NELL1: variants seen among roughly 807,000 people sequenced by gnomAD.
The protein encoded by NELL1 is protein kinase C-binding protein NELL1.
In NELL1, 76 loss-of-function variants were observed where a neutral mutation model predicts 107.4. That is an observed-to-expected ratio of 0.71 (90% confidence interval 0.59 to 0.86). The LOEUF is 0.86. NELL1 is among the 40% of genes least tolerant of loss of function. NELL1 has a pLI of 0.00. For missense variants in NELL1, 1,024 were observed against 1,005.5 expected (o/e 1.02, Z -0.25); for synonymous variants, 353 against 341.2 (o/e 1.03, Z -0.38).
intron 14 of NELL1, among the ~76,000 whole-genome samples, chr11:21,255,547 A>G (rs959098714): frequency 6.6e-6 from 1 of 152,080 alleles, no homozygotes; most frequent in Non-Finnish European, 1.5e-5. Context: ...CAACTTCAGT[A>G]TAGCTCGAAA....
chr11:21,333,925 A>T (rs1348151799), intron 14 of NELL1, among the ~76,000 whole-genome samples: 1 of 152,046 alleles, frequency 6.6e-6, no homozygotes, highest in African/African-American at 2.4e-5. Flanking sequence ...TCCACTGCTG[A>T]GTCGTGAGAT....
intron 2 of NELL1, among the ~76,000 whole-genome samples, chr11:20,750,640 G>A (rs757068579): frequency 2.6e-5 from 4 of 151,962 alleles, no homozygotes; most frequent in South Asian, 2.1e-4. Context: ...CAGGCTGGCT[G>A]CAATGGCAAG....
At chr11:20,904,453 A>G (rs1439660857) in intron 5 of NELL1, among the ~76,000 whole-genome samples, 1 of 152,160 alleles carries the variant, frequency 6.6e-6, no homozygotes, top group Non-Finnish European at 1.5e-5. Flanking sequence ...AATCTAACAA[A>G]CACCATGTGT....
At chr11:21,088,198 C>A (rs373725798) in intron 12 of NELL1, among the ~76,000 whole-genome samples, 1 of 151,924 alleles carries the variant, frequency 6.6e-6, no homozygotes, top group African/African-American at 2.4e-5. Flanking sequence ...CACGACCATA[C>A]CCTCCGGGAC....
At chr11:21,024,572 CT>C (rs1852773024) in intron 12 of NELL1, among the ~76,000 whole-genome samples, 1 of 152,080 alleles carries the variant, frequency 6.6e-6, no homozygotes, top group African/African-American at 2.4e-5. Flanking sequence ...ATATAAATTG[CT>C]TACAAGAATG....
intron 13 of NELL1, among the ~76,000 whole-genome samples, chr11:21,169,378 G>A (rs780693167): frequency 6.6e-6 from 1 of 151,768 alleles, no homozygotes; most frequent in Non-Finnish European, 1.5e-5. Context: ...TTATAATGTT[G>A]TGTATCTGGT....
chr11:21,456,878 A>G (rs1458877964), intron 15 of NELL1, among the ~76,000 whole-genome samples: 1 of 109,778 alleles, frequency 9.1e-6, no homozygotes, highest in Admixed American at 1.0e-4. Flanking sequence ...AAAAAAGAGA[A>G]GTTTATAAAT....
chr11:21,127,074 T>C (rs932508147), intron 13 of NELL1, among the ~76,000 whole-genome samples: 15 of 152,162 alleles, frequency 9.9e-5, no homozygotes, highest in African/African-American at 3.6e-4. Flanking sequence ...GGCATCTAGT[T>C]ATTCCTTAAG....
intron 12 of NELL1, among the ~76,000 whole-genome samples, chr11:21,111,033 T>C (rs1359059677): frequency 1.3e-5 from 2 of 152,134 alleles, no homozygotes; most frequent in Non-Finnish European, 2.9e-5. Context: ...TGTAATTAAG[T>C]CTTCTCAAAC....
intron 7 of NELL1, among the ~76,000 whole-genome samples, chr11:20,919,610 A>G (rs1850333823): frequency 6.6e-6 from 1 of 152,008 alleles, no homozygotes; most frequent in Admixed American, 6.6e-5. Context: ...TGGAAAAGGA[A>G]TTTTCCTATT....
chr11:21,466,847 G>A (rs1021073656), intron 15 of NELL1, among the ~76,000 whole-genome samples: 6 of 151,834 alleles, frequency 4.0e-5, no homozygotes, highest in Admixed American at 2.0e-4. Context: ...ATGCTGCAAT[G>A]TGAAGGATGG....
At position 21,441,403 on chromosome 11, in the gene NELL1, G is replaced by A. The variant is rs537945431; in HGVS notation, c.1645+70455G>A. Among the ~76,000 whole-genome samples the A allele has an allele frequency of 7.5e-5, 11 of 146,054 alleles. No individual in the cohort carries two copies. The East Asian group carries it at 1.6e-3, about 21-fold the overall frequency. ...TGTGTTCTATGATATGGTATGTTCC[G>A]AACTGTCTTTTGATGGGTTTTATCT... is the stretch of plus-strand genomic sequence containing the variant. On this transcript the variant is annotated intron_variant, in intron 15 of 19. Coordinates refer to ENST00000357134, the MANE Select transcript of NELL1 (RefSeq NM_006157.5).
At chr11:20,691,022 A>G (rs1412183532) in intron 2 of NELL1, among the ~76,000 whole-genome samples, 8 of 151,808 alleles carry the variant, frequency 5.3e-5, no homozygotes, top group African/African-American at 7.3e-5. Context: ...TGGATTCCTA[A>G]GTATTTTATT....
rs193072384 is a variant in NELL1, at chr11:21,358,942, T to C, written c.1550-11911T>C. On this transcript the variant is annotated intron_variant, in intron 14 of 19. Coordinates refer to ENST00000357134, the MANE Select transcript of NELL1 (RefSeq NM_006157.5). ...GGCAAACAGCAACAATTTGACTTCC[T>C]CTTTACTGATTTGGATGCCCTTTAT... Among the ~76,000 whole-genome samples the C allele has an allele frequency of 5.6e-4, 86 of 152,296 alleles. 1 individual carries two copies. In the Middle Eastern group the frequency reaches 0.01, roughly 18 times the overall value.
In NELL1 at chr11:21,496,290, T is replaced by G. The variant is rs183272217; in HGVS notation, c.1646-38084T>G. 2.8e-3 allele frequency among the ~76,000 whole-genome samples: 432 copies of G among 152,098 alleles called. 5 individuals carry two copies. The highest frequency in any genetic ancestry group is 9.9e-3 in the African/African-American group (412 of 41,556). Reference sequence around the variant, plus strand: ...TAATCTTTTAATGTCTATAATTATGTTTCTTTTTCTATTTCTTGTTTAACA... The same window carrying G: ...TAATCTTTTAATGTCTATAATTATGGTTCTTTTTCTATTTCTTGTTTAACA... On this transcript the variant is annotated intron_variant, in intron 15 of 19. Coordinates refer to ENST00000357134, the MANE Select transcript of NELL1 (RefSeq NM_006157.5).
At chr11:21,051,870 CT>C (rs1292936339) in intron 12 of NELL1, among the ~76,000 whole-genome samples, 2 of 152,072 alleles carry the variant, frequency 1.3e-5, no homozygotes, top group Non-Finnish European at 2.9e-5. Flanking sequence ...AGAAAAATCC[CT>C]GCTTTTGTGG....
At chr11:20,702,024 A>G (rs564967738) in intron 2 of NELL1, among the ~76,000 whole-genome samples, 2 of 152,152 alleles carry the variant, frequency 1.3e-5, no homozygotes, top group Non-Finnish European at 2.9e-5. Flanking sequence ...ACTTTAAAGT[A>G]GTTTTTTTCC....
intron 15 of NELL1, among the ~76,000 whole-genome samples, chr11:21,520,796 C>T (rs1591001684): frequency 6.6e-6 from 1 of 152,228 alleles, no homozygotes; most frequent in Non-Finnish European, 1.5e-5. Context: ...AATTTCTATT[C>T]TCCCAGATCT....
At chr11:20,912,018 C>A (rs890831735) in intron 5 of NELL1, among the ~76,000 whole-genome samples, 1 of 152,172 alleles carries the variant, frequency 6.6e-6, no homozygotes, top group African/African-American at 2.4e-5. Context: ...CTCATGGATT[C>A]AACAACCACA....
Sources: allele counts gnomAD v4.1 joint callset (sites outside exome capture counted in the v4.1 genomes callset), GRCh38; gene constraint gnomAD v4.1.1; transcripts MANE v1.5; gene names NCBI Gene and HGNC (gene_info 2026-07-23, HGNC 2026-07-21).